UBXN10: variants seen among roughly 807,000 people sequenced by gnomAD.
UBXN10 encodes UBX domain-containing protein 10.
Under a neutral mutation model 6.9 loss-of-function variants are expected in UBXN10, and 6 were observed. That is an observed-to-expected ratio of 0.87 (90% CI 0.48 to 1.72). The LOEUF (loss-of-function observed/expected upper bound fraction) is 1.72. UBXN10 is among the 40% of genes most tolerant of loss of function. The pLI is 0.01. For missense variants in UBXN10, 317 were observed against 348.4 expected (o/e 0.91, Z 0.72); for synonymous variants, 131 against 135.2 (o/e 0.97, Z 0.21).
Position 20,191,393 on chromosome 1 carries a change from G to C in UBXN10, c.832G>C (p.Gly278Arg). ...VLGISLEDGE[G>R]WP is the part of the protein sequence containing the mutation. ...GGGCATCTCACTGGAAGATGGGGAA[G>C]GGTGGCCCTGAGTCCACAGCCACCC... Residue 278 changes from glycine to arginine, a missense_variant, in exon 2 of 2, where the codon GGG (glycine) becomes CGG (arginine). Coordinates refer to ENST00000375099, the MANE Select transcript of UBXN10 (RefSeq NM_152376.5). The surrounding 1 kb of genome is among the most constrained non-coding windows in gnomAD (Gnocchi z 4.5). The C allele has an allele frequency of 1.2e-6, 2 of 1,608,966 alleles. No homozygotes were observed. The highest frequency in any genetic ancestry group is 2.2e-5 in the South Asian group (2 of 90,842).
In UBXN10 at chr1:20,190,951, G is replaced by A. The variant is rs2018486753; in HGVS notation, c.390G>A (p.Val130=). 2 of 1,614,180 alleles carry A rather than the reference G, an allele frequency of 1.2e-6. No individual in the cohort carries two copies. The highest frequency in any genetic ancestry group is 4.5e-5 in the East Asian group (2 of 44,878). The change falls in exon 2 of 2, where the codon GTG becomes GTA. Residue 130 remains valine (V), a synonymous_variant. Transcript: ENST00000375099. Reference sequence around the variant, plus strand: ...GAAAGAACCTGGAGGAGGAGGCTGTGGAAACCGTTGCCAAAAAGGCCAGCT... The same window carrying A: ...GAAAGAACCTGGAGGAGGAGGCTGTAGAAACCGTTGCCAAAAAGGCCAGCT... ...INRKNLEEEA[V]ETVAKKASSL...
chr1:20,184,738 G>T (rs2018337332), upstream of UBXN10: 1 of 152,322 alleles, frequency 6.6e-6, no homozygotes, highest in African/African-American at 2.4e-5. Flanking sequence ...CCATATGATG[G>T]CTTCTATTTT....
rs1005916129 is a variant in UBXN10 at position 20,194,240 on chromosome 1, G to A, written c.*2836G>A. ...AACTTTGCATAGGACAAACCTTCATGATAGGTTACTCTAGTATATTCCCTC... is the reference window on the plus strand; with the variant it reads ...AACTTTGCATAGGACAAACCTTCATAATAGGTTACTCTAGTATATTCCCTC... On this transcript the variant is annotated 3_prime_UTR_variant, in exon 2 of 2. Coordinates refer to ENST00000375099, the MANE Select transcript of UBXN10 (RefSeq NM_152376.5). The A allele has an allele frequency of 6.0e-6, 1 of 167,044 alleles. No individual in the cohort carries two copies. The highest frequency in any genetic ancestry group is 2.4e-5 in the African/African-American group (1 of 41,424). 10.3% of individuals were successfully genotyped at this position (167,044 alleles called of 1,614,324 possible). A position where few individuals can be genotyped will look rare whatever the true frequency, so the allele number is the denominator to read the frequency against.
At position 20,187,028 on chromosome 1, in the gene UBXN10, GGCTTAGATTTGGGTTGTGAGTGAA is replaced by G. The variant is rs2018411356; in HGVS notation, c.-16+876_-16+899del. On this transcript the variant is annotated intron_variant, in intron 1 of 1. Transcript: ENST00000375099. The surrounding 1 kb of genome is among the most constrained non-coding windows in gnomAD (Gnocchi z 4.6). ...GTTATATTTTACTGCATATACTGTAGGCTTAGATTTGGGTTGTGAGTGAAATAGGGTGGTCTGACCCTGTGGTGG... is the reference window on the plus strand; with the variant it reads ...GTTATATTTTACTGCATATACTGTAGATAGGGTGGTCTGACCCTGTGGTGG... Among the ~76,000 whole-genome samples, 2 of 152,204 alleles carry G rather than the reference GGCTTAGATTTGGGTTGTGAGTGAA, an allele frequency of 1.3e-5. No individual in the cohort carries two copies. Among genetic ancestry groups the G allele is most frequent in the Non-Finnish European group, 2.9e-5 (2 of 68,038 alleles).
At chr1:20,188,467 T>C (rs748611590) in intron 1 of UBXN10, among the ~76,000 whole-genome samples, 1 of 152,188 alleles carries the variant, frequency 6.6e-6, no homozygotes, top group Admixed American at 6.5e-5. Flanking sequence ...AGGAAGCAGA[T>C]ACTCCTTAAA....
At position 20,190,926 on chromosome 1, in the gene UBXN10, G is replaced by C; in HGVS notation, c.365G>C (p.Arg122Thr). Reference sequence around the variant, plus strand: ...TATCCAGTCCTTCCTTCCATCAACAGAAAGAACCTGGAGGAGGAGGCTGTG... The same window carrying C: ...TATCCAGTCCTTCCTTCCATCAACACAAAGAACCTGGAGGAGGAGGCTGTG... ...NKYPVLPSIN[R>T]KNLEEEAVET... The change falls in exon 2 of 2, where the codon AGA becomes ACA. Residue 122 changes from arginine to threonine, a missense_variant. Physicochemically the swap from Arg to Thr is moderately conservative, Grantham distance 71. Transcript: ENST00000375099. 6.2e-7 allele frequency: 1 copy of C among 1,614,130 alleles called. No homozygotes were observed.
Position 20,190,678 on chromosome 1 carries a change from C to G in UBXN10, c.117C>G (p.Pro39=), listed in dbSNP as rs763062533. The G allele has an allele frequency of 6.0e-5, 97 of 1,614,084 alleles. No individual in the cohort carries two copies. The highest frequency in any genetic ancestry group is 2.5e-6 in the Non-Finnish European group (3 of 1,180,052). The change falls in exon 2 of 2, where the codon CCC becomes CCG. Residue 39 remains proline, a synonymous_variant. Transcript: ENST00000375099. ...CACTAAATATGCACATGATAAGGCC[C>G]AAGTCCGCCAAGGGACGGACAAGAC... is the stretch of plus-strand genomic sequence containing the variant. The part of the protein sequence containing the change: ...PNSLNMHMIR[P]KSAKGRTRPS...
chr1:20,185,125 G>A (rs1353049937), upstream of UBXN10, among the ~76,000 whole-genome samples: 1 of 152,154 alleles, frequency 6.6e-6, no homozygotes. Flanking sequence ...GAAGGGGCGA[G>A]ACCCTGTCTC....
At chr1:20,188,805 A>G (rs1246986229) in intron 1 of UBXN10, among the ~76,000 whole-genome samples, 1 of 152,190 alleles carries the variant, frequency 6.6e-6, no homozygotes, top group Non-Finnish European at 1.5e-5. Context: ...ATCACCGAGG[A>G]CACACGGGGA....
rs1336564081 is a variant in UBXN10 at position 20,193,241 on chromosome 1, C to T, written c.*1837C>T. ...TCTGTGGTAAGAATAAAATCCCACC[C>T]ACCTGGGACTTGGTAATTTCTCCAG... On this transcript the variant is annotated 3_prime_UTR_variant, in exon 2 of 2. Coordinates refer to ENST00000375099, the MANE Select transcript of UBXN10 (RefSeq NM_152376.5). The T allele has an allele frequency of 2.4e-5, 4 of 167,202 alleles. No homozygotes were observed. The East Asian group carries it at 7.7e-4, about 32-fold the overall frequency. The allele number at this position is 167,202 out of a possible 1,614,324, so 10.4% of individuals were successfully genotyped here.
intron 1 of UBXN10, among the ~76,000 whole-genome samples, chr1:20,189,228 G>A (rs2018450565): frequency 1.3e-5 from 2 of 152,006 alleles, no homozygotes; most frequent in African/African-American, 4.8e-5. Flanking sequence ...TCACTGGAAA[G>A]TCACCAGAAG....
At chr1:20,189,950 C>T (rs1372952282) in intron 1 of UBXN10, among the ~76,000 whole-genome samples, 1 of 152,166 alleles carries the variant, frequency 6.6e-6, no homozygotes. Context: ...GTAGAATTAG[C>T]ATGCGCCCAG....
Position 20,190,887 on chromosome 1 carries a change from C to A in UBXN10, c.326C>A (p.Ser109Tyr), listed in dbSNP as rs1305395803. 6.2e-7 allele frequency: 1 copy of A among 1,614,088 alleles called. No individual in the cohort carries two copies. The highest frequency in any genetic ancestry group is 8.5e-7 in the Non-Finnish European group (1 of 1,180,024). Residue 109 changes from serine (S) to tyrosine (Y), a missense_variant, in exon 2 of 2, where the codon TCT (serine) becomes TAT (tyrosine). Ser to Tyr is a moderately radical substitution (Grantham distance 144, BLOSUM62 -2). Transcript: ENST00000375099. ...CAGCAAGTACCCACTGGGGCTTCCTCTTCTCTCAATAAGTATCCAGTCCTT... is the reference window on the plus strand; with the variant it reads ...CAGCAAGTACCCACTGGGGCTTCCTATTCTCTCAATAAGTATCCAGTCCTT... ...LQQQVPTGAS[S>Y]SLNKYPVLPS... is the part of the protein sequence containing the mutation.
rs1479547822 is a variant in UBXN10 at position 20,193,657 on chromosome 1, G to A, written c.*2253G>A. On this transcript the variant is annotated 3_prime_UTR_variant, in exon 2 of 2. Coordinates refer to ENST00000375099, the MANE Select transcript of UBXN10 (RefSeq NM_152376.5). ...CTGTTAGAACCAAGTCCTCCTCCCC[G>A]GACACTTCTGATGCCCACTGCAGAA... is the stretch of plus-strand genomic sequence containing the variant. The A allele has an allele frequency of 1.8e-5, 3 of 166,944 alleles. No individual in the cohort carries two copies. Among genetic ancestry groups the A allele is most frequent in the Non-Finnish European group, 2.9e-5 (2 of 68,118 alleles). The allele number at this position is 166,944 out of a possible 1,614,324, so 10.3% of individuals were successfully genotyped here. A position where few individuals can be genotyped will look rare whatever the true frequency, so the allele number is the denominator to read the frequency against.
At position 20,190,721 on chromosome 1, in the gene UBXN10, C is replaced by T; in HGVS notation, c.160C>T (p.Gln54Ter). ...GACAAGACCGAGTCTGCAGAAATCC[C>T]AGGGCGTGGAGGTGTGCGCTCATCA... ...GRTRPSLQKS[Q>*]GVEVCAHHIP... The change falls in exon 2 of 2, where the codon CAG (glutamine) becomes TAG (stop). Residue 54 changes from glutamine (Q) to a stop codon, truncating the protein, a stop_gained. Transcript: ENST00000375099. LOFTEE classifies it low-confidence loss of function (END_TRUNC). 12 of 1,614,070 alleles carry T rather than the reference C, an allele frequency of 7.4e-6. No homozygotes were observed. Among genetic ancestry groups the T allele is most frequent in the Admixed American group, 1.7e-5 (1 of 60,016 alleles).
chr1:20,186,749 T>C (rs2018403672), intron 1 of UBXN10, among the ~76,000 whole-genome samples: 2 of 152,176 alleles, frequency 1.3e-5, no homozygotes, highest in African/African-American at 4.8e-5. Flanking sequence ...TGTGGTTCAG[T>C]GTGGCACTCT....
chr1:20,186,268 A>G (rs2018390845), intron 1 of UBXN10, 115 bp downstream of exon 1: 1 of 152,136 alleles, frequency 6.6e-6, no homozygotes, highest in Non-Finnish European at 1.5e-5. Context: ...GCCTCCCCAG[A>G]CCCAGCCCGG....
At position 20,193,546 on chromosome 1, in the gene UBXN10, C is replaced by T. The variant is rs55991629; in HGVS notation, c.*2142C>T. Reference sequence around the variant, plus strand: ...GGAGAAGTGCATCTCGTATTTTAACCTAAGGCTTCAGCTCCCACACACGAC... The same window carrying T: ...GGAGAAGTGCATCTCGTATTTTAACTTAAGGCTTCAGCTCCCACACACGAC... On this transcript the variant is annotated 3_prime_UTR_variant, in exon 2 of 2. Transcript: ENST00000375099. 3 of 166,956 alleles carry T rather than the reference C, an allele frequency of 1.8e-5. No individual in the cohort carries two copies. The allele number at this position is 166,956 out of a possible 1,614,324, so 10.3% of individuals were successfully genotyped here. A position where few individuals can be genotyped will look rare whatever the true frequency, so the allele number is the denominator to read the frequency against.
At position 20,193,331 on chromosome 1, in the gene UBXN10, C is replaced by T. The variant is rs45488303; in HGVS notation, c.*1927C>T. ...CTTGAAGGAGTTAGAATCTTCTGTG[C>T]TTAGGGTTTGCTGCTGCTGGTGAGC... On this transcript the variant is annotated 3_prime_UTR_variant, in exon 2 of 2. Coordinates refer to ENST00000375099, the MANE Select transcript of UBXN10 (RefSeq NM_152376.5). 6,092 of 167,144 alleles carry T rather than the reference C, an allele frequency of 0.036. 141 individuals are homozygous for T. The highest frequency in any genetic ancestry group is 0.064 in the Middle Eastern group (19 of 296). The allele number at this position is 167,144 out of a possible 1,614,324, so 10.4% of individuals were successfully genotyped here. A position where few individuals can be genotyped will look rare whatever the true frequency, so the allele number is the denominator to read the frequency against.
Sources: allele counts gnomAD v4.1 joint callset (sites outside exome capture counted in the v4.1 genomes callset), GRCh38; gene constraint gnomAD v4.1.1; non-coding constraint Gnocchi (gnomAD v3.1); transcripts MANE v1.5; gene names NCBI Gene and HGNC (gene_info 2026-07-23, HGNC 2026-07-21).